TTC27: variants seen among roughly 807,000 people sequenced by gnomAD.
The protein encoded by TTC27 is tetratricopeptide repeat protein 27.
Under a neutral mutation model 115.9 loss-of-function variants are expected in TTC27, and 79 were observed. The ratio of observed to expected loss-of-function variants is 0.68; its 90% CI spans 0.57 to 0.82. The LOEUF (loss-of-function observed/expected upper bound fraction) is 0.82. Ranked by LOEUF, TTC27 falls within the 40% of genes least tolerant of loss-of-function variation. The pLI, the probability that TTC27 is intolerant of heterozygous loss-of-function variation, is 0.00. For missense variants in TTC27, 1,054 were observed against 993.1 expected, an observed-to-expected ratio of 1.06 and a Z score of -0.82; for synonymous variants, 401 against 356.0, an observed-to-expected ratio of 1.13 and a Z score of -1.42.
At chr2:32,635,942 A>G (rs931318242) in intron 3 of TTC27, among the ~76,000 whole-genome samples, 4 of 152,218 alleles carry the variant, frequency 2.6e-5, no homozygotes, top group East Asian at 1.9e-4. Flanking sequence ...TCTTATGTCT[A>G]TGAAGGGAAT....
rs548497074 is a variant in TTC27, at chr2:32,662,722, C to T, written c.641-1581C>T. ...TGTTAACCTTTTCAAAAAACCAGCTCTTGGATTCATTTGTTTATTTTTTTT... is the reference window on the plus strand; with the variant it reads ...TGTTAACCTTTTCAAAAAACCAGCTTTTGGATTCATTTGTTTATTTTTTTT... On this transcript the variant is annotated intron_variant, in intron 5 of 19. Coordinates refer to ENST00000317907, the MANE Select transcript of TTC27 (RefSeq NM_017735.5). 2.6e-5 allele frequency among the ~76,000 whole-genome samples: 4 copies of T among 152,122 alleles called. 1 individual carries two copies. The South Asian group carries it at 8.3e-4, about 31-fold the overall frequency.
chr2:32,756,184 A>G lies in TTC27; in HGVS notation c.1453-2108A>G, dbSNP rs528340533. On this transcript the variant is annotated intron_variant, in intron 12 of 19. Coordinates refer to ENST00000317907, the MANE Select transcript of TTC27 (RefSeq NM_017735.5). ...TACGCTGTAACTGGCTAAAGCAGAAAGGAATTTATTAGGTGAATTGGCCTC... is the reference window on the plus strand; with the variant it reads ...TACGCTGTAACTGGCTAAAGCAGAAGGGAATTTATTAGGTGAATTGGCCTC... Among the ~76,000 whole-genome samples, 21 of 152,380 alleles carry G rather than the reference A, an allele frequency of 1.4e-4. No individual in the cohort carries two copies. The East Asian group carries it at 3.7e-3, about 27-fold the overall frequency.
Position 32,817,442 on chromosome 2 carries a change from A to G in TTC27, c.2309-15A>G. 1 of 1,605,124 alleles carries G rather than the reference A, an allele frequency of 6.2e-7. No homozygotes were observed. The highest frequency in any genetic ancestry group is 8.5e-7 in the Non-Finnish European group (1 of 1,172,054). On this transcript the variant is annotated splice_polypyrimidine_tract_variant and intron_variant, in intron 18 of 19. Transcript: ENST00000317907. ...CACTTTTTAATGGATGTTTCTCTCC[A>G]TACTTATCTTCCAGTGGCCATAAAA...
intron 5 of TTC27, among the ~76,000 whole-genome samples, chr2:32,652,933 G>T (rs1217120993): frequency 6.6e-6 from 1 of 152,080 alleles, no homozygotes; most frequent in Non-Finnish European, 1.5e-5. Context: ...TGTTACACCA[G>T]TATAATACAG....
At position 32,640,275 on chromosome 2, in the gene TTC27, AG is replaced by A; in HGVS notation, c.404del (p.Gly135AspfsTer7). ...GTTTATAATCCTTTTTTCAGGTTAA[AG>A]GACTGGATGCATTTGTTCTGAGCCT... is the stretch of plus-strand genomic sequence containing the variant. ...VLFQQFSEVK[G>X]LDAFVLSLLT... On this transcript the variant is annotated frameshift_variant, in exon 4 of 20. Coordinates refer to ENST00000317907, the MANE Select transcript of TTC27 (RefSeq NM_017735.5). LOFTEE classifies it high-confidence loss of function. 2 of 1,612,078 alleles carry A rather than the reference AG, an allele frequency of 1.2e-6. No individual in the cohort carries two copies. The highest frequency in any genetic ancestry group is 3.4e-5 in the Admixed American group (2 of 59,514).
chr2:32,677,468 GA>G (rs1666254458), intron 8 of TTC27, among the ~76,000 whole-genome samples: 1 of 150,770 alleles, frequency 6.6e-6, no homozygotes, highest in Non-Finnish European at 1.5e-5. Context: ...CTTTTTTTTT[GA>G]GATGGAGTCT....
intron 13 of TTC27, among the ~76,000 whole-genome samples, chr2:32,771,925 A>C (rs1318354720): frequency 6.6e-6 from 1 of 152,146 alleles, no homozygotes; most frequent in Non-Finnish European, 1.5e-5. Flanking sequence ...ATTCTACATT[A>C]ACCTTTATTA....
rs553732743 is a variant in TTC27 at position 32,639,450 on chromosome 2, T to C, written c.397-820T>C. Among the ~76,000 whole-genome samples the C allele has an allele frequency of 3.3e-5, 5 of 152,312 alleles. No homozygotes were observed. In the East Asian group the frequency reaches 9.7e-4, roughly 29 times the overall value. ...CTGGTGTGTGGTCATATGCCCATTCTGCATTTGATGCATGAGACCTTGTTG... is the reference window on the plus strand; with the variant it reads ...CTGGTGTGTGGTCATATGCCCATTCCGCATTTGATGCATGAGACCTTGTTG... On this transcript the variant is annotated intron_variant, in intron 3 of 19. Coordinates refer to ENST00000317907, the MANE Select transcript of TTC27 (RefSeq NM_017735.5).
intron 13 of TTC27, among the ~76,000 whole-genome samples, chr2:32,768,095 A>T (rs571085840): frequency 5.3e-5 from 8 of 152,356 alleles, no homozygotes; most frequent in Non-Finnish European, 1.0e-4. Flanking sequence ...ATTAAAGCAT[A>T]TGAATGTCTA....
At chr2:32,728,103 T>C (rs1001526681) in intron 10 of TTC27, among the ~76,000 whole-genome samples, 2 of 146,442 alleles carry the variant, frequency 1.4e-5, no homozygotes, top group Non-Finnish European at 3.0e-5. Flanking sequence ...TGCAGTGGCG[T>C]GATCTCTGCT....
intron 12 of TTC27, among the ~76,000 whole-genome samples, chr2:32,741,707 C>G (rs1057370777): frequency 6.6e-6 from 1 of 151,936 alleles, no homozygotes; most frequent in South Asian, 2.1e-4. Flanking sequence ...TGCCCCAGAA[C>G]CTGGCAAAGT....
At chr2:32,651,447 A>C (rs1665123103) in intron 5 of TTC27, among the ~76,000 whole-genome samples, 1 of 152,144 alleles carries the variant, frequency 6.6e-6, no homozygotes, top group Non-Finnish European at 1.5e-5. Context: ...CCCGGGTTCA[A>C]ACAATTCTCC....
chr2:32,813,166 A>T (rs866535143), intron 18 of TTC27, among the ~76,000 whole-genome samples: 11 of 152,210 alleles, frequency 7.2e-5, no homozygotes, highest in Non-Finnish European at 1.5e-4. Context: ...ATTAATTTTT[A>T]AAAATGCCAG....
At chr2:32,729,273 GA>G (rs1668212673) in intron 10 of TTC27, among the ~76,000 whole-genome samples, 1 of 152,182 alleles carries the variant, frequency 6.6e-6, no homozygotes, top group Admixed American at 6.5e-5. Context: ...ACATTTTTCA[GA>G]ATTGTCCTTT....
chr2:32,664,857 G>A (rs1482646765), intron 6 of TTC27, among the ~76,000 whole-genome samples: 1 of 146,904 alleles, frequency 6.8e-6, no homozygotes, highest in South Asian at 2.2e-4. Flanking sequence ...TTTTGAGACC[G>A]AGTCTCGCTC....
chr2:32,768,477 T>C (rs1219608175), intron 13 of TTC27, among the ~76,000 whole-genome samples: 2 of 152,210 alleles, frequency 1.3e-5, no homozygotes, highest in Non-Finnish European at 2.9e-5. Flanking sequence ...AGTACTTGTA[T>C]ATCAGATATG....
intron 13 of TTC27, among the ~76,000 whole-genome samples, chr2:32,771,194 T>C (rs928706913): frequency 6.6e-6 from 1 of 152,206 alleles, no homozygotes; most frequent in African/African-American, 2.4e-5. Context: ...GTTTATAATC[T>C]CTACCTGGAT....
chr2:32,711,003 G>A (rs1180548044), intron 10 of TTC27, among the ~76,000 whole-genome samples: 1 of 150,868 alleles, frequency 6.6e-6, no homozygotes, highest in East Asian at 2.0e-4. Flanking sequence ...TGTAATCTCT[G>A]CTACTCGAGA....
At chr2:32,630,146 A>G (rs912325616) in intron 1 of TTC27, among the ~76,000 whole-genome samples, 1 of 152,218 alleles carries the variant, frequency 6.6e-6, no homozygotes, top group African/African-American at 2.4e-5. Flanking sequence ...TCAAGAAGAG[A>G]AAATAATGGA....
Sources: gnomAD v4.1 joint callset for allele counts (sites outside exome capture counted in the v4.1 genomes callset) on GRCh38, gnomAD v4.1.1 for gene constraint, MANE v1.5 for transcripts, NCBI Gene and HGNC (gene_info 2026-07-23, HGNC 2026-07-21) for gene names.